SORBS2: variants seen among roughly 807,000 people sequenced by gnomAD.
SORBS2 encodes sorbin and SH3 domain containing 2, also known as sorbin and SH3 domain-containing protein 2.
Under a neutral mutation model 97.7 loss-of-function variants are expected in SORBS2, and 46 were observed. The observed-to-expected ratio is 0.47, with a 90% CI of 0.37 to 0.60. The LOEUF (loss-of-function observed/expected upper bound fraction) is 0.60, where lower values mean the gene tolerates loss of function less well. Among genes scored for constraint, SORBS2 ranks in the 20% least tolerant of loss-of-function variants. The probability of loss-of-function intolerance (pLI) is 0.00; values close to 1 mark genes in which losing one functional copy is unlikely to be tolerated. For synonymous variants in SORBS2, 476 were observed against 473.4 expected, an observed-to-expected ratio of 1.01 and a Z score of -0.07; for missense variants, 1,316 against 1,282.3, an observed-to-expected ratio of 1.03 and a Z score of -0.40.
At chr4:185,733,416 C>T (rs996591618) in intron 2 of SORBS2, among the ~76,000 whole-genome samples, 1 of 152,174 alleles carries the variant, frequency 6.6e-6, no homozygotes, top group South Asian at 2.1e-4. Context: ...CCCACTGGCC[C>T]CGAAACAGCG....
chr4:185,630,712 A>G, intron 4 of SORBS2, 114 bp from the exon 17 acceptor site: 1 of 649,378 alleles, frequency 1.5e-6, no homozygotes, highest in Non-Finnish European at 2.7e-6. Flanking sequence ...TGAGGTTGAA[A>G]GTACCATTCA....
At chr4:185,900,715 A>G (rs1017274449) in intron 1 of SORBS2, among the ~76,000 whole-genome samples, 1 of 152,204 alleles carries the variant, frequency 6.6e-6, no homozygotes, top group Non-Finnish European at 1.5e-5. Context: ...GAAACTGCCT[A>G]CAATTTACTG....
At chr4:185,793,600 T>C (rs996967899) in intron 1 of SORBS2, among the ~76,000 whole-genome samples, 17 of 152,216 alleles carry the variant, frequency 1.1e-4, no homozygotes, top group Non-Finnish European at 2.5e-4. Flanking sequence ...TTTTATTCTG[T>C]GTATTTTTTT....
At chr4:185,637,940 A>C (rs2097050673) in intron 4 of SORBS2, 139 bp downstream of exon 15, 1 of 638,642 alleles carries the variant, frequency 1.6e-6, no homozygotes, top group African/African-American at 1.8e-5. Flanking sequence ...AATCTGGACT[A>C]CGCTGTACCA....
At chr4:185,648,529 C>A (rs1386495304) in intron 3 of SORBS2, among the ~76,000 whole-genome samples, 1 of 151,348 alleles carries the variant, frequency 6.6e-6, no homozygotes, top group African/African-American at 2.4e-5. Flanking sequence ...AGCCACCACG[C>A]CTGGCCTGAT....
intron 2 of SORBS2, among the ~76,000 whole-genome samples, chr4:185,724,590 T>TG (rs1466977087): frequency 6.6e-6 from 1 of 152,154 alleles, no homozygotes; most frequent in East Asian, 1.9e-4. Context: ...AGCCAAAGTA[T>TG]GGGGGGCCTC....
chr4:185,835,860 C>G (rs1282957479), intron 1 of SORBS2, among the ~76,000 whole-genome samples: 1 of 151,954 alleles, frequency 6.6e-6, no homozygotes, highest in African/African-American at 2.4e-5. Context: ...GCCTGTTTCC[C>G]TGAAGAAGTC....
intron 1 of SORBS2, among the ~76,000 whole-genome samples, chr4:185,803,318 A>T (rs2099139299): frequency 6.6e-6 from 1 of 152,202 alleles, no homozygotes; most frequent in African/African-American, 2.4e-5. Flanking sequence ...CCAGAGCCAA[A>T]AAAAAGTGAG....
At chr4:185,922,996 G>A (rs2099261634) in intron 1 of SORBS2, among the ~76,000 whole-genome samples, 2 of 152,162 alleles carry the variant, frequency 1.3e-5, no homozygotes. Context: ...TTTCTAAGAG[G>A]CCTTTGGGAA....
At chr4:185,594,028 T>G (rs1282356279) in intron 12 of SORBS2, 93 bp from the exon 25 acceptor site, 23 of 815,080 alleles carry the variant, frequency 2.8e-5, no homozygotes, top group Non-Finnish European at 3.9e-5. Flanking sequence ...TCTTGACATT[T>G]AATATTTCCT....
intron 1 of SORBS2, among the ~76,000 whole-genome samples, chr4:185,832,269 C>G (rs1477571812): frequency 6.6e-6 from 1 of 152,174 alleles, no homozygotes; most frequent in Non-Finnish European, 1.5e-5. Context: ...AAAACCCCAT[C>G]TGATGCTGTT....
At chr4:185,598,884 A>T (rs1466013629) in intron 12 of SORBS2, among the ~76,000 whole-genome samples, 2 of 130,776 alleles carry the variant, frequency 1.5e-5, no homozygotes, top group Non-Finnish European at 3.2e-5. Context: ...GGCAAAAAAT[A>T]AAAAAAAAAC....
At chr4:185,877,886 A>T (rs2099234539) in intron 1 of SORBS2, among the ~76,000 whole-genome samples, 1 of 148,670 alleles carries the variant, frequency 6.7e-6, no homozygotes, top group African/African-American at 2.5e-5. Context: ...AAAAAAAAAA[A>T]GAAAGAAAGA....
intron 4 of SORBS2, among the ~76,000 whole-genome samples, chr4:185,670,028 G>A (rs2097686586): frequency 6.6e-6 from 1 of 152,102 alleles, no homozygotes; most frequent in Non-Finnish European, 1.5e-5. Context: ...AGACCAGCCT[G>A]GACAACATGG....
chr4:185,694,711 C>CTTTTTTT (rs1561960485), intron 2 of SORBS2, among the ~76,000 whole-genome samples: 2 of 133,472 alleles, frequency 1.5e-5, no homozygotes, highest in Non-Finnish European at 3.1e-5. Flanking sequence ...TCTTTCTTTT[C>CTTTTTTT]TTTTCTTTTT....
exon 15 of SORBS2, chr4:185,586,870 C>T (rs1045384143): frequency 6.6e-6 from 1 of 152,534 alleles, no homozygotes; most frequent in Non-Finnish European, 1.5e-5. Flanking sequence ...ATAGTTTTCC[C>T]CTGTAGCCTA....
intron 4 of SORBS2, among the ~76,000 whole-genome samples, chr4:185,639,634 T>C (rs2153446894): frequency 6.6e-6 from 1 of 152,326 alleles, no homozygotes; most frequent in East Asian, 1.9e-4. Context: ...TTATTACTTC[T>C]TTGATAATTA....
Position 185,806,607 on chromosome 4 carries a change from G to T in SORBS2, c.-337-31241C>A, listed in dbSNP as rs538017073. On this transcript the variant is annotated intron_variant, in intron 1 of 20. Transcript: ENST00000284776. ...CGAGTAGCTGGGACTACAGGCGCCC[G>T]CCACTACGCCCGGCTAATTTTTTGT... Among the ~76,000 whole-genome samples the T allele has an allele frequency of 2.0e-5, 3 of 151,254 alleles. No homozygotes were observed. The South Asian group carries it at 6.3e-4, about 32-fold the overall frequency.
At chr4:185,924,949 C>T (rs150718232) in intron 1 of SORBS2, among the ~76,000 whole-genome samples, 61 of 152,184 alleles carry the variant, frequency 4.0e-4, no homozygotes, top group African/African-American at 1.3e-3. Flanking sequence ...TCCAGTCATC[C>T]GAGTCGTATC....
Sources: allele counts gnomAD v4.1 joint callset (sites outside exome capture counted in the v4.1 genomes callset), GRCh38; gene constraint gnomAD v4.1.1; transcripts MANE v1.5; gene names NCBI Gene and HGNC (gene_info 2026-07-23, HGNC 2026-07-21).